Variants in BLTP1 observed in about 807,000 individuals in gnomAD.
BLTP1 encodes the protein bridge-like lipid transfer protein family member 1.
At chr4:122,254,751 T>G in the BLTP1 span, 2 of 1,438,484 alleles carry the variant, frequency 1.4e-6, no homozygotes, top group Non-Finnish European at 1.8e-6. Flanking sequence ...GGGAGATTGT[T>G]TGGAATACAA....
chr4:122,207,424 G>A, the BLTP1 span: 14,509 of 1,442,054 alleles, frequency 0.01, 1,257 homozygotes, highest in African/African-American at 0.19. Flanking sequence ...AGTTTGTATT[G>A]GACTAAAACT....
chr4:122,356,528 C>T, the BLTP1 span: 3 of 1,291,114 alleles, frequency 2.3e-6, no homozygotes, highest in Non-Finnish European at 3.2e-6. Flanking sequence ...TTTACAGTTG[C>T]ATTTCATGTG....
At chr4:122,301,386 T>A in the BLTP1 span, 1 of 1,588,936 alleles carries the variant, frequency 6.3e-7, no homozygotes, top group Non-Finnish European at 8.6e-7. Flanking sequence ...TTCCCTAAAC[T>A]TGCAGTTCAA....
the BLTP1 span, chr4:122,179,870 A>C: frequency 1.0e-6 from 1 of 985,192 alleles, no homozygotes; most frequent in Admixed American, 6.2e-5. Flanking sequence ...CTACATGCAA[A>C]GTATCCTCCC....
chr4:122,207,374 C>A, the BLTP1 span: 1 of 1,368,166 alleles, frequency 7.3e-7, no homozygotes, highest in Non-Finnish European at 9.8e-7. Context: ...AAGTTATTTC[C>A]CCCCATTATC....
the BLTP1 span, chr4:122,276,701 T>C: frequency 1.1e-6 from 1 of 896,524 alleles, no homozygotes; most frequent in African/African-American, 1.8e-5. Flanking sequence ...AGAGCCTACC[T>C]TCATGCTGAC....
the BLTP1 span, chr4:122,229,259 T>C: frequency 1.9e-6 from 3 of 1,583,616 alleles, no homozygotes; most frequent in Admixed American, 5.5e-5. Flanking sequence ...TTTGCTTGGC[T>C]GGTGTAGTGC....
chr4:122,207,514 CT>C, the BLTP1 span: 109,929 of 1,239,474 alleles, frequency 0.089, 1 homozygote, highest in Non-Finnish European at 0.096. Context: ...ACTTTTTCTT[CT>C]TTTTTTTTTT....
the BLTP1 span, among the ~76,000 whole-genome samples, chr4:122,223,492 C>T: frequency 6.6e-6 from 1 of 152,062 alleles, no homozygotes; most frequent in Non-Finnish European, 1.5e-5. Context: ...ACTTAGTACA[C>T]AAGGCAGAAA....
the BLTP1 span, among the ~76,000 whole-genome samples, chr4:122,288,453 G>A: frequency 2.0e-5 from 3 of 152,132 alleles, 1 homozygote; most frequent in South Asian, 6.2e-4. Flanking sequence ...GGCCAAAGTG[G>A]GCGGATCGCT....
chr4:122,272,053 G>T, the BLTP1 span: 1 of 1,339,964 alleles, frequency 7.5e-7, no homozygotes, highest in African/African-American at 1.5e-5. Flanking sequence ...AGGAGAAAGA[G>T]GACTGGTTGG....
the BLTP1 span, chr4:122,244,863 G>T: frequency 5.1e-6 from 3 of 591,780 alleles, no homozygotes; most frequent in Non-Finnish European, 6.4e-6. Flanking sequence ...TGTTTCCCTT[G>T]TATAATTTCT....
chr4:122,270,769 T>G, the BLTP1 span, among the ~76,000 whole-genome samples: 10 of 152,102 alleles, frequency 6.6e-5, no homozygotes, highest in African/African-American at 2.4e-4. Context: ...AATCATTTCT[T>G]AACATAAGAA....
At chr4:122,215,657 A>G in the BLTP1 span, 7 of 665,960 alleles carry the variant, frequency 1.1e-5, no homozygotes, top group African/African-American at 1.4e-4. Context: ...GGAGGGGAGA[A>G]CTACTGCTTT....
At chr4:122,276,829 C>T in the BLTP1 span, 1 of 976,244 alleles carries the variant, frequency 1.0e-6, no homozygotes, top group Non-Finnish European at 1.2e-6. Context: ...TATGTAATAC[C>T]TAGATTTTAC....
the BLTP1 span, among the ~76,000 whole-genome samples, chr4:122,233,023 T>A: frequency 6.6e-6 from 1 of 152,146 alleles, no homozygotes; most frequent in Non-Finnish European, 1.5e-5. Context: ...TCCATTAGAT[T>A]AATGTTTTTT....
chr4:122,209,364 G>T, the BLTP1 span: 34 of 1,604,060 alleles, frequency 2.1e-5, no homozygotes, highest in Non-Finnish European at 2.8e-5. Flanking sequence ...AGTGACACAG[G>T]CCAGGCACAG....
the BLTP1 span, among the ~76,000 whole-genome samples, chr4:122,264,595 A>G: frequency 6.6e-6 from 1 of 152,258 alleles, no homozygotes; most frequent in African/African-American, 2.4e-5. Context: ...TACATGGCTT[A>G]GTTATAAATG....
At chr4:122,153,020 T>A in the BLTP1 span, 7 of 985,318 alleles carry the variant, frequency 7.1e-6, no homozygotes, top group South Asian at 3.3e-4. Context: ...CTTTCTTCTC[T>A]GGGATTGATG....
Sources: allele counts gnomAD v4.1 joint callset (sites outside exome capture counted in the v4.1 genomes callset), GRCh38; gene constraint gnomAD v4.1.1; transcripts MANE v1.5; gene names NCBI Gene and HGNC (gene_info 2026-07-23, HGNC 2026-07-21).